Variants in NBEA observed in about 807,000 individuals in gnomAD.
The protein encoded by NBEA is lysosomal-trafficking regulator 2.
Under a neutral mutation model 343.4 loss-of-function variants are expected in NBEA, and 44 were observed. That is an observed-to-expected ratio of 0.13 (90% CI 0.10 to 0.16). The LOEUF (loss-of-function observed/expected upper bound fraction) is 0.16, where lower values mean the gene tolerates loss of function less well. NBEA is among the 10% of genes least tolerant of loss of function. The probability of loss-of-function intolerance (pLI) is 1.00; values close to 1 mark genes in which losing one functional copy is unlikely to be tolerated. For synonymous variants in NBEA, 1,175 were observed against 1,238.7 expected (o/e 0.95, Z 1.08); for missense variants, 2,555 against 3,631.3 (o/e 0.70, Z 7.62).
intron 1 of NBEA, among the ~76,000 whole-genome samples, chr13:35,029,140 T>G (rs1372050144): frequency 6.6e-6 from 1 of 151,516 alleles, no homozygotes; most frequent in Non-Finnish European, 1.5e-5. Context: ...TCTATTTGAC[T>G]GTTGAGGGCA....
intron 1 of NBEA, among the ~76,000 whole-genome samples, chr13:35,039,079 T>C (rs1355573740): frequency 4.6e-5 from 7 of 152,126 alleles, no homozygotes; most frequent in Non-Finnish European, 8.8e-5. Context: ...CTAGGGCTGG[T>C]TGAGATGCCT....
chr13:35,228,059 C>T (rs923253227), intron 33 of NBEA, among the ~76,000 whole-genome samples: 2 of 151,492 alleles, frequency 1.3e-5, no homozygotes, highest in Non-Finnish European at 2.9e-5. Flanking sequence ...ATAATTAAGC[C>T]GTGGGTTTTC....
intron 33 of NBEA, among the ~76,000 whole-genome samples, chr13:35,223,201 T>C (rs1593817107): frequency 6.6e-6 from 1 of 152,274 alleles, no homozygotes; most frequent in East Asian, 1.9e-4. Context: ...TTTAGAGCAA[T>C]TAAAAATAAA....
intron 48 of NBEA, among the ~76,000 whole-genome samples, chr13:35,607,725 T>G (rs1290627955): frequency 6.6e-6 from 1 of 151,948 alleles, no homozygotes; most frequent in Admixed American, 6.6e-5. Flanking sequence ...GAAATATAAT[T>G]CATATCCTGT....
intron 16 of NBEA, 58 bp from the exon 17 acceptor site, chr13:35,123,424 G>A: frequency 2.3e-6 from 2 of 870,876 alleles, no homozygotes; most frequent in Non-Finnish European, 1.7e-6. Flanking sequence ...AAAGCATGTA[G>A]TGTGTTTTTG....
intron 39 of NBEA, among the ~76,000 whole-genome samples, chr13:35,445,502 A>C (rs2045955214): frequency 6.6e-6 from 1 of 151,864 alleles, no homozygotes; most frequent in Non-Finnish European, 1.5e-5. Flanking sequence ...TAATGTTTCT[A>C]ATGGATATTA....
chr13:35,609,238 C>T (rs2082405037), intron 48 of NBEA, among the ~76,000 whole-genome samples: 1 of 152,174 alleles, frequency 6.6e-6, no homozygotes, highest in African/African-American at 2.4e-5. Context: ...ATTTTTTAGA[C>T]TTCTAAACAT....
intron 41 of NBEA, among the ~76,000 whole-genome samples, chr13:35,547,393 G>A (rs1443818617): frequency 1.3e-5 from 2 of 152,162 alleles, no homozygotes; most frequent in East Asian, 1.9e-4. Context: ...TGCTGCAGAG[G>A]GTCCCTAAGG....
intron 31 of NBEA, among the ~76,000 whole-genome samples, chr13:35,204,117 C>T (rs983797561): frequency 2.6e-5 from 4 of 152,052 alleles, no homozygotes; most frequent in Non-Finnish European, 4.4e-5. Context: ...CCTCATTGCT[C>T]GCATTACTGC....
intron 18 of NBEA, among the ~76,000 whole-genome samples, chr13:35,151,747 A>G (rs1274769766): frequency 1.3e-5 from 2 of 151,926 alleles, no homozygotes; most frequent in African/African-American, 2.4e-5. Context: ...ACTTTAATGG[A>G]CCTCTTTTTG....
chr13:35,275,453 T>TG (rs1386269799), intron 34 of NBEA, among the ~76,000 whole-genome samples: 1 of 152,116 alleles, frequency 6.6e-6, no homozygotes, highest in Non-Finnish European at 1.5e-5. Context: ...GGCAAGGACT[T>TG]CATGACTAAA....
intron 38 of NBEA, among the ~76,000 whole-genome samples, chr13:35,363,245 C>A (rs1030419081): frequency 2.6e-5 from 4 of 151,818 alleles, no homozygotes; most frequent in African/African-American, 9.7e-5. Context: ...TGGTGTAAAG[C>A]CCTGGGATTC....
Position 35,044,603 on chromosome 13 carries a change from GGTGTGT to G in NBEA, c.527-307_527-302del, listed in dbSNP as rs3045194. ...CCCTGCACACAGCAGGCTGTGTTGTGGTGTGTGTGTGTGTGTGTGTGTGTGTGTGTG... is the reference window on the plus strand; with the variant it reads ...CCCTGCACACAGCAGGCTGTGTTGTGGTGTGTGTGTGTGTGTGTGTGTGTG... On this transcript the variant is annotated intron_variant, in intron 2 of 58. Coordinates refer to ENST00000379939, the MANE Select transcript of NBEA (RefSeq NM_001385012.1). Among the ~76,000 whole-genome samples, 1,071 of 142,536 alleles carry G rather than the reference GGTGTGT, an allele frequency of 7.5e-3. 5 individuals carry two copies. Among genetic ancestry groups the G allele is most frequent in the African/African-American group, 0.02 (767 of 38,316 alleles). The allele number at this position is 142,536 out of a possible 152,430, so 93.5% of individuals were successfully genotyped here.
chr13:35,196,831 T>A lies in NBEA; in HGVS notation c.5366+529T>A, dbSNP rs117685552. Among the ~76,000 whole-genome samples the A allele has an allele frequency of 2.8e-3, 427 of 152,264 alleles. 1 individual carries two copies. The highest frequency in any genetic ancestry group is 4.3e-3 in the South Asian group (21 of 4,832). On this transcript the variant is annotated intron_variant, in intron 31 of 58. Transcript: ENST00000379939. ...TTCTTTATGAGATTTCCAATACCAA[T>A]GTAAAAGCTGTATTTTGAAGCATGT...
chr13:35,461,041 A>G (rs1012077197), intron 40 of NBEA, among the ~76,000 whole-genome samples: 1 of 152,092 alleles, frequency 6.6e-6, no homozygotes, highest in African/African-American at 2.4e-5. Context: ...TAACCCATTA[A>G]TTCATTAATC....
intron 45 of NBEA, among the ~76,000 whole-genome samples, chr13:35,570,220 G>C (rs755091191): frequency 6.6e-5 from 10 of 152,154 alleles, no homozygotes; most frequent in Non-Finnish European, 1.5e-4. Context: ...ATTTTTAGTA[G>C]AGACAGGGTT....
intron 27 of NBEA, among the ~76,000 whole-genome samples, chr13:35,173,965 C>A (rs1230872454): frequency 6.6e-6 from 1 of 152,128 alleles, no homozygotes; most frequent in African/African-American, 2.4e-5. Flanking sequence ...AATGCCCATT[C>A]AATGAATGGA....
intron 38 of NBEA, among the ~76,000 whole-genome samples, chr13:35,422,934 C>T (rs1180926355): frequency 6.6e-6 from 1 of 152,194 alleles, no homozygotes; most frequent in Non-Finnish European, 1.5e-5. Context: ...CTTTTGGCTG[C>T]ATAAATGTCT....
chr13:35,186,408 A>G (rs1462831496), intron 30 of NBEA: 1 of 152,144 alleles, frequency 6.6e-6, no homozygotes, highest in African/African-American at 2.4e-5. Context: ...ACTATTTTAT[A>G]TTTTATTTTC....
Sources: allele counts gnomAD v4.1 joint callset (sites outside exome capture counted in the v4.1 genomes callset), GRCh38; gene constraint gnomAD v4.1.1; transcripts MANE v1.5; gene names NCBI Gene and HGNC (gene_info 2026-07-23, HGNC 2026-07-21).